TAX1BP1: variants seen among roughly 807,000 people sequenced by gnomAD.
TAX1BP1 encodes the protein tax1-binding protein 1.
A neutral mutation model predicts 97.7 loss-of-function variants in TAX1BP1; 62 were observed. The ratio of observed to expected loss-of-function variants is 0.63; its 90% confidence interval spans 0.52 to 0.78. The LOEUF (loss-of-function observed/expected upper bound fraction) is 0.78. TAX1BP1 is among the 30% of genes least tolerant of loss of function. TAX1BP1 has a pLI of 0.00. For synonymous variants in TAX1BP1, 340 were observed against 304.2 expected, an observed-to-expected ratio of 1.12 and a Z score of -1.23; for missense variants, 867 against 916.1, an observed-to-expected ratio of 0.95 and a Z score of 0.69.
intron 12 of TAX1BP1, 79 bp from the exon 13 acceptor site, chr7:27,799,886 C>G (rs1305961765): frequency 8.8e-7 from 1 of 1,139,480 alleles, no homozygotes; most frequent in African/African-American, 1.6e-5. Context: ...AATGTTCAGC[C>G]CATATCTAAG....
intron 10 of TAX1BP1, among the ~76,000 whole-genome samples, chr7:27,793,723 AAAG>A (rs1338402039): frequency 1.3e-5 from 2 of 152,192 alleles, no homozygotes; most frequent in Non-Finnish European, 2.9e-5. Context: ...GTAATATACC[AAAG>A]AAGATGTTTT....
At chr7:27,794,287 T>C (rs1239451893) in intron 10 of TAX1BP1, 36 bp from the exon 11 acceptor site, 2 of 1,544,524 alleles carry the variant, frequency 1.3e-6, no homozygotes, top group Non-Finnish European at 1.8e-6. Flanking sequence ...AACTAATTCA[T>C]TGACTCATTT....
intron 5 of TAX1BP1, among the ~76,000 whole-genome samples, chr7:27,779,314 G>C (rs530902029): frequency 1.3e-5 from 2 of 152,170 alleles, no homozygotes; most frequent in South Asian, 2.1e-4. Flanking sequence ...TGATTTTTGA[G>C]GCAAATATCT....
intron 11 of TAX1BP1, 68 bp from the exon 12 acceptor site, chr7:27,796,048 T>C: frequency 8.3e-7 from 1 of 1,202,490 alleles, no homozygotes; most frequent in South Asian, 1.4e-5. Context: ...CTTTAAGTTA[T>C]TCTGAACAGG....
chr7:27,749,379 C>G (rs1787941602), intron 2 of TAX1BP1, among the ~76,000 whole-genome samples: 1 of 152,154 alleles, frequency 6.6e-6, no homozygotes, highest in African/African-American at 2.4e-5. Flanking sequence ...CACGAATGTC[C>G]AAACAGTAAA....
intron 12 of TAX1BP1, among the ~76,000 whole-genome samples, chr7:27,798,428 CCG>C (rs972770484): frequency 9.9e-5 from 15 of 152,008 alleles, no homozygotes; most frequent in Admixed American, 9.8e-4. Context: ...CTTTGGGAGG[CCG>C]AGGTGGGAGC....
At chr7:27,783,657 G>C (rs552465075) in intron 5 of TAX1BP1, among the ~76,000 whole-genome samples, 48 of 152,164 alleles carry the variant, frequency 3.2e-4, no homozygotes, top group African/African-American at 9.9e-4. Flanking sequence ...ACCCGTTATA[G>C]GGCTTCATTA....
intron 7 of TAX1BP1, 102 bp from the exon 8 acceptor site, chr7:27,787,316 C>T (rs557888612): frequency 9.2e-7 from 1 of 1,083,304 alleles, no homozygotes; most frequent in African/African-American, 1.6e-5. Flanking sequence ...GTCTTTCCTT[C>T]CTTTCGTTGT....
Position 27,785,405 on chromosome 7 carries a change from G to C in TAX1BP1, c.768G>C (p.Lys256Asn). The C allele has an allele frequency of 6.2e-7, 1 of 1,611,064 alleles. No individual in the cohort carries two copies. The highest frequency in any genetic ancestry group is 8.5e-7 in the Non-Finnish European group (1 of 1,179,072). Residue 256 changes from lysine to asparagine, a missense_variant, in exon 7 of 17, where the codon AAG (lysine) becomes AAC (asparagine). Lys to Asn is a moderately conservative substitution (Grantham distance 94). Coordinates refer to ENST00000396319, the MANE Select transcript of TAX1BP1 (RefSeq NM_006024.7). ...TTTATCATACCTATCTTAGTTTAAA[G>C]GACAAACTCAAGAAGGCACAACATG... ...IEKETELDSL[K>N]DKLKKAQHER...
chr7:27,778,859 TAAA>T (rs10710065), intron 5 of TAX1BP1, among the ~76,000 whole-genome samples: 4 of 147,914 alleles, frequency 2.7e-5, no homozygotes, highest in Non-Finnish European at 1.5e-5. Flanking sequence ...AGACTGCGTT[TAAA>T]AAAAAAAAAA....
intron 12 of TAX1BP1, among the ~76,000 whole-genome samples, chr7:27,797,397 C>G (rs1398666452): frequency 6.6e-6 from 1 of 152,076 alleles, no homozygotes; most frequent in Non-Finnish European, 1.5e-5. Flanking sequence ...AGGGAAAATG[C>G]TTCTCATTTA....
chr7:27,815,589 G>C (rs763458285), intron 13 of TAX1BP1, among the ~76,000 whole-genome samples: 1 of 152,100 alleles, frequency 6.6e-6, no homozygotes, highest in Non-Finnish European at 1.5e-5. Flanking sequence ...AAGGTCTCTA[G>C]TTTTTTTGTG....
chr7:27,758,665 G>A (rs1788314626), intron 3 of TAX1BP1, among the ~76,000 whole-genome samples: 1 of 152,038 alleles, frequency 6.6e-6, no homozygotes, highest in Non-Finnish European at 1.5e-5. Flanking sequence ...CAATATGGGT[G>A]AACACTGAGG....
chr7:27,768,944 T>A (rs1431007693), intron 4 of TAX1BP1, among the ~76,000 whole-genome samples: 1 of 152,032 alleles, frequency 6.6e-6, no homozygotes, highest in African/African-American at 2.4e-5. Context: ...CCTGTGAGTC[T>A]TCATTCTTCC....
At chr7:27,743,069 C>A (rs1225111512) in intron 1 of TAX1BP1, among the ~76,000 whole-genome samples, 5 of 152,038 alleles carry the variant, frequency 3.3e-5, no homozygotes, top group African/African-American at 9.7e-5. Flanking sequence ...TGTCCTCTAC[C>A]CTAATATGTG....
chr7:27,767,650 A>G (rs1788692259), intron 4 of TAX1BP1, among the ~76,000 whole-genome samples: 1 of 152,088 alleles, frequency 6.6e-6, no homozygotes, highest in Non-Finnish European at 1.5e-5. Context: ...CAGTATTTAT[A>G]TTGTAGCTTT....
rs74813391 is a variant in TAX1BP1 at position 27,741,361 on chromosome 7, C to G, written c.-8+1092C>G. Among the ~76,000 whole-genome samples the G allele has an allele frequency of 3.3e-3, 496 of 152,318 alleles. 5 individuals carry two copies. Among genetic ancestry groups the G allele is most frequent in the African/African-American group, 0.011 (443 of 41,554 alleles). ...GGAAGGAGCTTAGGACAGCCTTTCT[C>G]TTTCGTTCTGTTCCTTTCAAGGGTA... is the stretch of plus-strand genomic sequence containing the variant. On this transcript the variant is annotated intron_variant, in intron 1 of 16. Coordinates refer to ENST00000396319, the MANE Select transcript of TAX1BP1 (RefSeq NM_006024.7).
chr7:27,812,940 A>C (rs1278050358), intron 13 of TAX1BP1, among the ~76,000 whole-genome samples: 1 of 152,192 alleles, frequency 6.6e-6, no homozygotes, highest in Non-Finnish European at 1.5e-5. Flanking sequence ...ATCATCTATG[A>C]CTGCAATTGC....
intron 4 of TAX1BP1, 123 bp downstream of exon 4, chr7:27,766,144 G>A: frequency 2.0e-6 from 2 of 989,140 alleles, no homozygotes; most frequent in Non-Finnish European, 2.9e-6. Flanking sequence ...GCTTTGGCTG[G>A]GCGCAGTGGC....
Sources: gnomAD v4.1 joint callset for allele counts (sites outside exome capture counted in the v4.1 genomes callset) on GRCh38, gnomAD v4.1.1 for gene constraint, MANE v1.5 for transcripts, NCBI Gene and HGNC (gene_info 2026-07-23, HGNC 2026-07-21) for gene names.